BCKDHB: variants seen among roughly 807,000 people sequenced by gnomAD.
BCKDHB encodes branched chain keto acid dehydrogenase E1 subunit beta, also known as 2-oxoisovalerate dehydrogenase subunit beta, mitochondrial.
BCKDHB carries 41 observed loss-of-function variants against 48.5 expected under a neutral mutation model. That is an observed-to-expected ratio of 0.85 (90% CI 0.66 to 1.10). BCKDHB has a LOEUF of 1.10. BCKDHB is among the 50% of genes least tolerant of loss of function. The pLI, the probability that BCKDHB is intolerant of heterozygous loss-of-function variation, is 0.00. For missense variants in BCKDHB, 496 were observed against 494.2 expected, an observed-to-expected ratio of 1.00 and a Z score of -0.03; for synonymous variants, 201 against 174.8, an observed-to-expected ratio of 1.15 and a Z score of -1.18.
rs138749438 is a variant in BCKDHB, at chr6:80,134,022, T to TGAGAGA, written c.343+4800_343+4805dup. On this transcript the variant is annotated intron_variant, in intron 3 of 9. Coordinates refer to ENST00000320393, the MANE Select transcript of BCKDHB (RefSeq NM_183050.4). ...AAAATCCATTCGTATTGTCATTCTC[T>TGAGAGA]GAGAGAGAGAGAAAGAGAAAGAGTG... 1.7e-3 allele frequency among the ~76,000 whole-genome samples: 264 copies of TGAGAGA among 152,164 alleles called. 1 individual carries two copies. Among genetic ancestry groups the TGAGAGA allele is most frequent in the African/African-American group, 6.0e-3 (250 of 41,524 alleles).
chr6:80,235,272 A>T (rs1001806443), intron 8 of BCKDHB, among the ~76,000 whole-genome samples: 1 of 152,182 alleles, frequency 6.6e-6, no homozygotes, highest in African/African-American at 2.4e-5. Flanking sequence ...TGTGCCCCAT[A>T]AATATGTACA....
chr6:80,416,706 A>G, the BCKDHB span, among the ~76,000 whole-genome samples: 1 of 151,736 alleles, frequency 6.6e-6, no homozygotes, highest in Admixed American at 6.6e-5. Context: ...TGATTATGTG[A>G]TCAATTTACA....
intron 8 of BCKDHB, among the ~76,000 whole-genome samples, chr6:80,247,351 G>A (rs954395973): frequency 5.3e-5 from 8 of 152,306 alleles, no homozygotes; most frequent in African/African-American, 1.9e-4. Flanking sequence ...ATATTATCCT[G>A]TTAAATCTTA....
chr6:80,179,428 A>G (rs1167194987), intron 6 of BCKDHB, among the ~76,000 whole-genome samples: 1 of 152,150 alleles, frequency 6.6e-6, no homozygotes, highest in Non-Finnish European at 1.5e-5. Context: ...TCTAAACAAT[A>G]CAGTATAGCA....
At chr6:80,149,064 C>T (rs1312329138) in intron 3 of BCKDHB, among the ~76,000 whole-genome samples, 1 of 152,032 alleles carries the variant, frequency 6.6e-6, no homozygotes, top group African/African-American at 2.4e-5. Flanking sequence ...TTTTTGCAAC[C>T]TACTCATCTG....
chr6:80,284,600 T>A, intron 9 of BCKDHB, among the ~76,000 whole-genome samples: 1 of 152,134 alleles, frequency 6.6e-6, no homozygotes, highest in Non-Finnish European at 1.5e-5. Flanking sequence ...ATATTTCAGA[T>A]GGCACAAAGA....
intron 6 of BCKDHB, among the ~76,000 whole-genome samples, chr6:80,197,388 TTG>T (rs1774181183): frequency 6.6e-6 from 1 of 150,476 alleles, no homozygotes; most frequent in Admixed American, 6.6e-5. Context: ...TTTTTTCTTA[TTG>T]TAAGTATGGT....
chr6:80,331,956 G>T (rs954346301), intron 9 of BCKDHB, among the ~76,000 whole-genome samples: 5 of 130,376 alleles, frequency 3.8e-5, no homozygotes, highest in Non-Finnish European at 8.1e-5. Flanking sequence ...ATGCTCATTT[G>T]GGGGGGACTA....
the BCKDHB span, among the ~76,000 whole-genome samples, chr6:80,361,330 C>T: frequency 6.6e-6 from 1 of 152,222 alleles, no homozygotes; most frequent in African/African-American, 2.4e-5. Context: ...GTGTCTACTC[C>T]TGCTCTTCCA....
At chr6:80,287,544 A>G (rs1457634928) in intron 9 of BCKDHB, among the ~76,000 whole-genome samples, 2 of 152,126 alleles carry the variant, frequency 1.3e-5, no homozygotes, top group South Asian at 2.1e-4. Context: ...TTGTCTCCCA[A>G]CCAGGAAAAA....
chr6:80,426,266 G>T, the BCKDHB span, among the ~76,000 whole-genome samples: 71 of 152,222 alleles, frequency 4.7e-4, no homozygotes, highest in African/African-American at 1.6e-3. Flanking sequence ...GCTATCTTGG[G>T]CTGGGAATAG....
At chr6:80,319,921 G>C (rs1361198812) in intron 9 of BCKDHB, among the ~76,000 whole-genome samples, 1 of 152,086 alleles carries the variant, frequency 6.6e-6, no homozygotes, top group Admixed American at 6.5e-5. Flanking sequence ...GATCTGCTTA[G>C]AAATCTTCAG....
At chr6:80,154,147 T>C (rs1226959910) in intron 3 of BCKDHB, among the ~76,000 whole-genome samples, 2 of 152,184 alleles carry the variant, frequency 1.3e-5, no homozygotes, top group African/African-American at 4.8e-5. Flanking sequence ...TCCCCTCTCC[T>C]CTAATAGCAT....
At chr6:80,298,834 G>C (rs1373246060) in intron 9 of BCKDHB, among the ~76,000 whole-genome samples, 1 of 152,198 alleles carries the variant, frequency 6.6e-6, no homozygotes, top group Non-Finnish European at 1.5e-5. Context: ...CGCTGAATCA[G>C]AAGTTCAGTC....
At chr6:80,318,744 A>G (rs1417539858) in intron 9 of BCKDHB, among the ~76,000 whole-genome samples, 2 of 151,670 alleles carry the variant, frequency 1.3e-5, no homozygotes, top group Non-Finnish European at 2.9e-5. Flanking sequence ...GAACATGTAC[A>G]GACTTTTTTT....
At chr6:80,282,546 C>T (rs1023670012) in intron 9 of BCKDHB, among the ~76,000 whole-genome samples, 2 of 152,060 alleles carry the variant, frequency 1.3e-5, no homozygotes, top group African/African-American at 4.8e-5. Flanking sequence ...GATTTGTCCA[C>T]TTGATGAATG....
chr6:80,151,030 A>G lies in BCKDHB; in HGVS notation c.344-16648A>G, dbSNP rs545044332. On this transcript the variant is annotated intron_variant, in intron 3 of 9. Transcript: ENST00000320393. ...TCACTTGGATGATACATGTGCATAT[A>G]TGTGTACTTATTCACACATGAATTC... Among the ~76,000 whole-genome samples the G allele has an allele frequency of 2.0e-5, 3 of 152,314 alleles. No individual in the cohort carries two copies. In the South Asian group the frequency reaches 6.2e-4, roughly 32 times the overall value.
chr6:80,260,311 C>G (rs1328644758), intron 8 of BCKDHB, among the ~76,000 whole-genome samples: 2 of 152,116 alleles, frequency 1.3e-5, no homozygotes, highest in African/African-American at 4.8e-5. Flanking sequence ...ACTAAAACTT[C>G]TTTTAGTCAG....
chr6:80,343,291 A>T (rs576986245), intron 9 of BCKDHB, among the ~76,000 whole-genome samples: 64 of 152,322 alleles, frequency 4.2e-4, no homozygotes, highest in African/African-American at 1.5e-3. Flanking sequence ...TGTGAGAAAA[A>T]CAGAAAATGA....
Sources: gnomAD v4.1 joint callset for allele counts (sites outside exome capture counted in the v4.1 genomes callset) on GRCh38, gnomAD v4.1.1 for gene constraint, MANE v1.5 for transcripts, NCBI Gene and HGNC (gene_info 2026-07-23, HGNC 2026-07-21) for gene names.